Variants in QDPR observed in about 807,000 individuals in gnomAD.
QDPR encodes dihydropteridine reductase.
A neutral mutation model predicts 31.7 loss-of-function variants in QDPR; 23 were observed. The ratio of observed to expected loss-of-function variants is 0.73; its 90% CI spans 0.52 to 1.03. The LOEUF is 1.03. Among genes scored for constraint, QDPR ranks in the 50% least tolerant of loss-of-function variants. The pLI, the probability that QDPR is intolerant of heterozygous loss-of-function variation, is 0.00. For synonymous variants in QDPR, 124 were observed against 124.7 expected (o/e 0.99, Z 0.03); for missense variants, 324 against 323.8 (o/e 1.00, Z 0.00).
chr4:17,492,186 C>A, intron 5 of QDPR, 46 bp downstream of exon 5: 1 of 1,517,790 alleles, frequency 6.6e-7, no homozygotes, highest in South Asian at 1.1e-5. Flanking sequence ...TCACCTGCAG[C>A]AGTGGGGCAG....
At chr4:17,497,177 G>T (rs2108990534) in intron 4 of QDPR, among the ~76,000 whole-genome samples, 1 of 152,316 alleles carries the variant, frequency 6.6e-6, no homozygotes, top group South Asian at 2.1e-4. Context: ...GTGCCATAGA[G>T]ATCAGCGGTG....
chr4:17,487,949 A>G (rs1250509155), intron 6 of QDPR, among the ~76,000 whole-genome samples: 1 of 152,156 alleles, frequency 6.6e-6, no homozygotes, highest in African/African-American at 2.4e-5. Context: ...ACATTGTTGG[A>G]ATTCTTTTGT....
chr4:17,507,974 T>C (rs1718847251), intron 2 of QDPR, among the ~76,000 whole-genome samples: 1 of 152,218 alleles, frequency 6.6e-6, no homozygotes, highest in Non-Finnish European at 1.5e-5. Context: ...GAAATGATAC[T>C]ATGATGGGGA....
chr4:17,508,969 C>T (rs1322784743), intron 2 of QDPR, among the ~76,000 whole-genome samples: 10 of 152,128 alleles, frequency 6.6e-5, no homozygotes, highest in East Asian at 1.9e-4. Context: ...TCAGCCTGGC[C>T]AACATGGTGA....
chr4:17,489,593 T>C (rs1718086949), intron 6 of QDPR, among the ~76,000 whole-genome samples: 1 of 152,152 alleles, frequency 6.6e-6, no homozygotes, highest in South Asian at 2.1e-4. Flanking sequence ...TGTGTGACCT[T>C]AGGCGAGTGA....
intron 2 of QDPR, among the ~76,000 whole-genome samples, chr4:17,508,960 C>T (rs191523119): frequency 1.3e-5 from 2 of 152,250 alleles, no homozygotes; most frequent in South Asian, 4.1e-4. Flanking sequence ...AGTTCAAGAT[C>T]AGCCTGGCCA....
intron 5 of QDPR, among the ~76,000 whole-genome samples, chr4:17,491,658 AG>A (rs147239046): frequency 0.035 from 5,352 of 152,302 alleles, 123 homozygotes; most frequent in East Asian, 0.06. Context: ...AGAAAGGGAG[AG>A]GAAAAAAAGA....
intron 2 of QDPR, among the ~76,000 whole-genome samples, chr4:17,508,590 C>A (rs1718873162): frequency 6.7e-6 from 1 of 149,880 alleles, no homozygotes; most frequent in Non-Finnish European, 1.5e-5. Flanking sequence ...TATCACACAT[C>A]TACAAAGAGG....
At chr4:17,490,600 C>A (rs940580029) in intron 6 of QDPR, 62 bp downstream of exon 6, 27 of 1,389,862 alleles carry the variant, frequency 1.9e-5, no homozygotes, top group Non-Finnish European at 2.8e-5. Flanking sequence ...TCCTCTGGAC[C>A]ACAGCAGGCA....
rs894191427 is a variant in QDPR at position 17,512,057 on chromosome 4, T to A, written c.-3A>T. 5.0e-6 allele frequency: 8 copies of A among 1,595,050 alleles called. No homozygotes were observed. In the African/African-American group the frequency reaches 1.1e-4, roughly 22 times the overall value. On this transcript the variant is annotated 5_prime_UTR_variant, in exon 1 of 7. Coordinates refer to ENST00000281243, the MANE Select transcript of QDPR (RefSeq NM_000320.3). ...CCTGCAGCCGCCGCCGCCGCCATCC[T>A]GCTCCTGCCAGCCCGGCTCCCGCAG... is the stretch of plus-strand genomic sequence containing the variant.
Position 17,512,007 on chromosome 4 carries a change from G to A in QDPR, c.48C>T (p.Tyr16=). The change falls in exon 1 of 7, where the codon TAC becomes TAT. Residue 16 remains tyrosine, a synonymous_variant. Coordinates refer to ENST00000281243, the MANE Select transcript of QDPR (RefSeq NM_000320.3). The part of the protein sequence containing the change: ...AAGEARRVLV[Y]GGRGALGSRC... ...GAGAACCCAGAGCGCCCCTGCCGCC[G>A]TACACCAGCACCCGGCGCGCCTCGC... The A allele has an allele frequency of 6.2e-7, 1 of 1,609,444 alleles. No individual in the cohort carries two copies. Among genetic ancestry groups the A allele is most frequent in the Non-Finnish European group, 8.5e-7 (1 of 1,178,638 alleles).
chr4:17,495,194 C>T (rs915993997), intron 4 of QDPR, among the ~76,000 whole-genome samples: 5 of 152,086 alleles, frequency 3.3e-5, no homozygotes, highest in African/African-American at 4.8e-5. Context: ...TGTGGCATGA[C>T]GGGGATGGTG....
chr4:17,489,465 T>C (rs182719324), intron 6 of QDPR, among the ~76,000 whole-genome samples: 1 of 152,288 alleles, frequency 6.6e-6, no homozygotes, highest in Admixed American at 6.5e-5. Context: ...ACTTCAATTT[T>C]TTTCCTGCAA....
chr4:17,494,530 G>T (rs1339298568), intron 4 of QDPR, among the ~76,000 whole-genome samples: 1 of 152,170 alleles, frequency 6.6e-6, no homozygotes, highest in Non-Finnish European at 1.5e-5. Context: ...ATCACCCCAT[G>T]AAACCCTCCT....
chr4:17,505,195 A>G (rs959184448), intron 2 of QDPR, among the ~76,000 whole-genome samples: 2 of 151,088 alleles, frequency 1.3e-5, no homozygotes, highest in Non-Finnish European at 3.0e-5. Flanking sequence ...GGAATGGCTG[A>G]GATGACAAAT....
chr4:17,511,164 T>G (rs1159146594), intron 1 of QDPR, among the ~76,000 whole-genome samples: 3 of 152,106 alleles, frequency 2.0e-5, no homozygotes, highest in African/African-American at 7.2e-5. Flanking sequence ...CTAACTAAGC[T>G]CCCAGAACGC....
At position 17,486,923 on chromosome 4, in the gene QDPR, T is replaced by A. The variant is rs1410636786; in HGVS notation, c.*208A>T. ...GTTAACACAGATCAACGGATGCTAT[T>A]TGCAGGCCACCAGTCTCGCATGTCT... On this transcript the variant is annotated 3_prime_UTR_variant, in exon 7 of 7. Transcript: ENST00000281243. The A allele has an allele frequency of 6.7e-6, 4 of 597,750 alleles. No homozygotes were observed. Among genetic ancestry groups the A allele is most frequent in the African/African-American group, 1.8e-5 (1 of 54,064 alleles). 37.0% of individuals were successfully genotyped at this position (597,750 alleles called of 1,614,324 possible).
intron 2 of QDPR, among the ~76,000 whole-genome samples, chr4:17,505,046 A>G (rs1718709143): frequency 6.6e-6 from 1 of 152,182 alleles, no homozygotes; most frequent in Admixed American, 6.5e-5. Flanking sequence ...GTTCACTTTA[A>G]TGATCTCTCT....
intron 4 of QDPR, among the ~76,000 whole-genome samples, chr4:17,498,044 T>C (rs549336450): frequency 6.6e-6 from 1 of 152,294 alleles, no homozygotes; most frequent in Admixed American, 6.5e-5. Context: ...CTGTAGCTGC[T>C]CACTAAATGC....
Sources: gnomAD v4.1 joint callset for allele counts (sites outside exome capture counted in the v4.1 genomes callset) on GRCh38, gnomAD v4.1.1 for gene constraint, MANE v1.5 for transcripts, NCBI Gene and HGNC (gene_info 2026-07-23, HGNC 2026-07-21) for gene names.